Variants in STK3 observed in about 807,000 individuals in gnomAD.
STK3 encodes serine/threonine kinase 3, also known as serine/threonine-protein kinase 3.
In STK3, 41 loss-of-function variants were observed where a neutral mutation model predicts 58.0. That is an observed-to-expected ratio of 0.71 (90% CI 0.55 to 0.92). The LOEUF is 0.92. Among genes scored for constraint, STK3 ranks in the 40% least tolerant of loss-of-function variants. The probability of loss-of-function intolerance (pLI) is 0.00; values close to 1 mark genes in which losing one functional copy is unlikely to be tolerated. For missense variants in STK3, 479 were observed against 602.7 expected (o/e 0.79, Z 2.15); for synonymous variants, 170 against 191.0 (o/e 0.89, Z 0.91).
chr8:98,930,165 G>A (rs1839955399), intron 1 of STK3, among the ~76,000 whole-genome samples: 1 of 152,166 alleles, frequency 6.6e-6, no homozygotes, highest in African/African-American at 2.4e-5. Context: ...GGCCTAGAGT[G>A]ACAAATCCTT....
upstream of STK3, among the ~76,000 whole-genome samples, chr8:98,826,052 G>C (rs1434233039): frequency 6.6e-6 from 1 of 152,002 alleles, no homozygotes; most frequent in Non-Finnish European, 1.5e-5. Flanking sequence ...CCGGGAAAAG[G>C]AGAAGGTTCC....
Position 98,694,961 on chromosome 8 carries a change from C to T in STK3, c.684+11506G>A, listed in dbSNP as rs1261605578. Among the ~76,000 whole-genome samples, 5 of 152,182 alleles carry T rather than the reference C, an allele frequency of 3.3e-5. No individual in the cohort carries two copies. In the East Asian group the frequency reaches 9.6e-4, roughly 29 times the overall value. The stretch of plus-strand genomic sequence containing the variant: ...ACAATGGTTGAACTAGTTTACAGTC[C>T]CATCAACAGTGCAAAAGTGTTCCTA... On this transcript the variant is annotated intron_variant, in intron 6 of 10. Transcript: ENST00000419617.
intron 4 of STK3, among the ~76,000 whole-genome samples, chr8:98,710,337 G>A (rs1218686670): frequency 6.6e-6 from 1 of 152,194 alleles, no homozygotes; most frequent in Non-Finnish European, 1.5e-5. Flanking sequence ...CTGAAGCAGG[G>A]CGGGGCATCA....
rs536807605 is a variant in STK3, at chr8:98,568,495, G to A, written c.948+11169C>T. On this transcript the variant is annotated intron_variant, in intron 8 of 10. Coordinates refer to ENST00000419617, the MANE Select transcript of STK3 (RefSeq NM_006281.4). ...AACATCTTTTACAGCAAAATTTGCT[G>A]GTCAACTAGTTCCACTCTTACACAC... Among the ~76,000 whole-genome samples the A allele has an allele frequency of 1.1e-4, 16 of 152,232 alleles. No homozygotes were observed. The South Asian group carries it at 3.3e-3, about 32-fold the overall frequency.
chr8:98,693,755 G>A (rs1390868299), intron 6 of STK3, among the ~76,000 whole-genome samples: 1 of 152,200 alleles, frequency 6.6e-6, no homozygotes, highest in Non-Finnish European at 1.5e-5. Context: ...CAGGGACTGG[G>A]AGATGGAAGG....
chr8:98,502,313 A>G (rs932537562), intron 10 of STK3, among the ~76,000 whole-genome samples: 30 of 152,224 alleles, frequency 2.0e-4, no homozygotes, highest in Non-Finnish European at 3.8e-4. Context: ...GGGCTGAGAC[A>G]ATGGGGTTTT....
intron 1 of STK3, among the ~76,000 whole-genome samples, chr8:98,813,697 G>A (rs1049963440): frequency 1.1e-4 from 16 of 152,098 alleles, no homozygotes; most frequent in Non-Finnish European, 2.2e-4. Flanking sequence ...AAAGTGATAT[G>A]ATTTCTTTAC....
At chr8:98,536,591 G>T (rs1809784593) in intron 9 of STK3, among the ~76,000 whole-genome samples, 1 of 152,108 alleles carries the variant, frequency 6.6e-6, no homozygotes, top group South Asian at 2.1e-4. Flanking sequence ...CATTTACTCT[G>T]CAGGCAGGAG....
chr8:98,411,642 ATGT>A (rs1273008714), intron 3 of STK3, among the ~76,000 whole-genome samples: 2 of 152,228 alleles, frequency 1.3e-5, no homozygotes, highest in Non-Finnish European at 2.9e-5. Context: ...ACAAGCTAAA[ATGT>A]TGTTTCTTGC....
intron 8 of STK3, among the ~76,000 whole-genome samples, chr8:98,555,245 A>G (rs1811505474): frequency 6.6e-6 from 1 of 152,172 alleles, no homozygotes; most frequent in Non-Finnish European, 1.5e-5. Context: ...GATATTTGTA[A>G]TATCTACTAC....
intron 10 of STK3, among the ~76,000 whole-genome samples, chr8:98,488,951 G>A (rs1822489522): frequency 2.0e-5 from 3 of 152,124 alleles, no homozygotes; most frequent in African/African-American, 7.2e-5. Context: ...AAAGATGGCT[G>A]GGGCATGCCC....
At chr8:98,916,512 A>G (rs1373850691) in intron 1 of STK3, among the ~76,000 whole-genome samples, 4 of 152,204 alleles carry the variant, frequency 2.6e-5, no homozygotes, top group Non-Finnish European at 4.4e-5. Context: ...TTAAGAAGGA[A>G]AATGGAACAA....
chr8:98,617,992 C>G (rs548018788), intron 6 of STK3, among the ~76,000 whole-genome samples: 1 of 151,890 alleles, frequency 6.6e-6, no homozygotes, highest in African/African-American at 2.4e-5. Flanking sequence ...ATACCAAAGC[C>G]GGGCAGAGAC....
At chr8:98,448,197 T>A (rs1326997379) in intron 1 of STK3, among the ~76,000 whole-genome samples, 1 of 152,106 alleles carries the variant, frequency 6.6e-6, no homozygotes, top group East Asian at 1.9e-4. Context: ...TCACATATAA[T>A]TTTTAAAGAT....
At chr8:98,713,516 A>G (rs1040468372) in intron 4 of STK3, among the ~76,000 whole-genome samples, 5 of 152,370 alleles carry the variant, frequency 3.3e-5, no homozygotes, top group African/African-American at 4.8e-5. Context: ...CAAATAAACT[A>G]GAAAATCTAG....
At chr8:98,640,796 TAAAG>T (rs1410733413) in intron 6 of STK3, among the ~76,000 whole-genome samples, 12 of 151,552 alleles carry the variant, frequency 7.9e-5, no homozygotes, top group African/African-American at 2.9e-4. Flanking sequence ...TTTATTCTAA[TAAAG>T]AAAACATATG....
intron 7 of STK3, among the ~76,000 whole-genome samples, chr8:98,591,433 C>T (rs914895883): frequency 6.6e-6 from 1 of 152,130 alleles, no homozygotes; most frequent in Non-Finnish European, 1.5e-5. Context: ...ATATTTTAAA[C>T]CTTCATTGGG....
chr8:98,364,318 T>C, the STK3 span, among the ~76,000 whole-genome samples: 1 of 152,172 alleles, frequency 6.6e-6, no homozygotes, highest in East Asian at 1.9e-4. Flanking sequence ...CGTGGCTACC[T>C]ATGAATTCCC....
chr8:98,577,403 C>T (rs1813497324), intron 8 of STK3, among the ~76,000 whole-genome samples: 1 of 152,150 alleles, frequency 6.6e-6, no homozygotes, highest in South Asian at 2.1e-4. Flanking sequence ...AGGAGAATTG[C>T]TTGAACCCAG....
Sources: gnomAD v4.1 joint callset for allele counts (sites outside exome capture counted in the v4.1 genomes callset) on GRCh38, gnomAD v4.1.1 for gene constraint, MANE v1.5 for transcripts, NCBI Gene and HGNC (gene_info 2026-07-23, HGNC 2026-07-21) for gene names.